CKAP2: variants seen among roughly 807,000 people sequenced by gnomAD.
CKAP2 encodes cytoskeleton associated protein 2.
CKAP2 carries 46 observed loss-of-function variants against 58.4 expected under a neutral mutation model. That is an observed-to-expected ratio of 0.79 (90% CI 0.62 to 1.01). The LOEUF is 1.01. Ranked by LOEUF, CKAP2 falls within the 50% of genes least tolerant of loss-of-function variation. CKAP2 has a pLI of 0.00. For missense variants in CKAP2, 809 were observed against 796.4 expected (o/e 1.02, Z -0.19); for synonymous variants, 293 against 280.9 (o/e 1.04, Z -0.43).
In CKAP2 at chr13:52,455,482, A is replaced by G. The variant is rs1958459393; in HGVS notation, c.-75A>G. 3.1e-5 allele frequency: 48 copies of G among 1,568,074 alleles called. No individual in the cohort carries two copies. The highest frequency in any genetic ancestry group is 4.2e-5 in the Non-Finnish European group (48 of 1,139,644). On this transcript the variant is annotated 5_prime_UTR_variant, in exon 1 of 9. Transcript: ENST00000258607. ...GTCTGACGGCTTAGCCGCGGTGCAG[A>G]CTGCGGCGGCGGTGGTCTGAGGAAG...
At chr13:52,474,774 A>G in intron 8 of CKAP2, 121 bp from the exon 9 acceptor site, 1 of 960,548 alleles carries the variant, frequency 1.0e-6, no homozygotes, top group East Asian at 2.6e-5. Flanking sequence ...TCTCTAAAAG[A>G]CAATTAAATG....
At position 52,475,134 on chromosome 13, in the gene CKAP2, C is replaced by A. The variant is rs762070558; in HGVS notation, c.2042C>A (p.Thr681Lys). ...ALCRVYYEAD[T>K]T ...TGCCGGGTGTACTATGAGGCTGATA[C>A]AACATAAGAGAAATAAAGCTCTGTT... Residue 681 changes from threonine (T) to lysine (K), a missense_variant, in exon 9 of 9, where the codon ACA (threonine) becomes AAA (lysine). Thr to Lys is a moderately conservative substitution (Grantham distance 78). Transcript: ENST00000258607. 4 of 1,613,072 alleles carry A rather than the reference C, an allele frequency of 2.5e-6. No individual in the cohort carries two copies. Among genetic ancestry groups the A allele is most frequent in the African/African-American group, 1.3e-5 (1 of 74,862 alleles).
Position 52,462,370 on chromosome 13 carries a change from C to T in CKAP2, c.1108C>T (p.Leu370=). Reference sequence around the variant, plus strand: ...ATCTGCTTCTAACTATAGAGCTCGTCTGAGTGAGTGGAAAGCTGGCAAAGG... The same window carrying T: ...ATCTGCTTCTAACTATAGAGCTCGTTTGAGTGAGTGGAAAGCTGGCAAAGG... ...KETSEERKAR[L]SEWKAGKGRV... The change falls in exon 5 of 9, where the codon CTG becomes TTG. Residue 370 remains leucine (L), a synonymous_variant. Coordinates refer to ENST00000258607, the MANE Select transcript of CKAP2 (RefSeq NM_018204.5). 1 of 1,613,882 alleles carries T rather than the reference C, an allele frequency of 6.2e-7. No homozygotes were observed. Among genetic ancestry groups the T allele is most frequent in the South Asian group, 1.1e-5 (1 of 91,008 alleles).
intron 5 of CKAP2, among the ~76,000 whole-genome samples, chr13:52,463,986 A>G (rs1370227543): frequency 6.6e-6 from 1 of 152,028 alleles, no homozygotes; most frequent in African/African-American, 2.4e-5. Flanking sequence ...CAGATTTTGG[A>G]TTTTCAGATT....
At chr13:52,464,799 T>C (rs1958640675) in intron 5 of CKAP2, among the ~76,000 whole-genome samples, 1 of 152,196 alleles carries the variant, frequency 6.6e-6, no homozygotes, top group South Asian at 2.1e-4. Flanking sequence ...TTTCAAACTT[T>C]ACTCTTCATG....
chr13:52,455,659 G>C (rs977443064), intron 1 of CKAP2, 33 bp downstream of exon 1: 6 of 530,550 alleles, frequency 1.1e-5, no homozygotes, highest in Admixed American at 4.9e-5. Flanking sequence ...CGGTGGCGGT[G>C]GCGGTGGCGG....
chr13:52,468,802 T>C (rs971627565), intron 7 of CKAP2, among the ~76,000 whole-genome samples: 4 of 152,240 alleles, frequency 2.6e-5, no homozygotes, highest in Non-Finnish European at 5.9e-5. Flanking sequence ...ATTGATTCTA[T>C]GTCTTTGCTA....
intron 5 of CKAP2, 108 bp from the exon 6 acceptor site, chr13:52,465,187 T>C (rs1285269426): frequency 2.2e-6 from 2 of 904,572 alleles, no homozygotes; most frequent in Non-Finnish European, 3.3e-6. Flanking sequence ...TTTTTTTGCT[T>C]TATGCTTAGG....
At chr13:52,465,905 G>GTATATATATACACACA (rs1958661043) in intron 6 of CKAP2, 1 of 189,084 alleles carries the variant, frequency 5.3e-6, no homozygotes, top group African/African-American at 3.4e-5. Context: ...ACTCATATAT[G>GTATATATATACACACA]TATATATATA....
At chr13:52,467,761 A>G (rs562746053) in intron 6 of CKAP2, among the ~76,000 whole-genome samples, 6 of 152,172 alleles carry the variant, frequency 3.9e-5, no homozygotes, top group Admixed American at 1.3e-4. Flanking sequence ...TTTTTACTCT[A>G]TAAATTGGAA....
chr13:52,474,935 T>C lies in CKAP2; in HGVS notation c.1843T>C (p.Phe615Leu), dbSNP rs750403883. 5.8e-5 allele frequency: 94 copies of C among 1,612,266 alleles called. No individual in the cohort carries two copies. Among genetic ancestry groups the C allele is most frequent in the Non-Finnish European group, 7.6e-5 (89 of 1,178,488 alleles). Residue 615 changes from phenylalanine to leucine, a missense_variant, in exon 9 of 9, where the codon TTT becomes CTT. Phe to Leu is a conservative substitution (Grantham distance 22). Coordinates refer to ENST00000258607, the MANE Select transcript of CKAP2 (RefSeq NM_018204.5). ...GCAGTTTGATGGAACAAATTCCGCATTTAAAGAGCTGAAGTTTTTAACACC... is the reference window on the plus strand; with the variant it reads ...GCAGTTTGATGGAACAAATTCCGCACTTAAAGAGCTGAAGTTTTTAACACC... ...KVQFDGTNSA[F>L]KELKFLTPVR...
rs1958831985 is a variant in CKAP2 at position 52,476,541 on chromosome 13, C to CT, written c.*1403dup. The CT allele has an allele frequency of 6.6e-6, 1 of 152,116 alleles. No individual in the cohort carries two copies. Among genetic ancestry groups the CT allele is most frequent in the African/African-American group, 2.4e-5 (1 of 41,416 alleles). 9.4% of individuals were successfully genotyped at this position (152,116 alleles called of 1,614,324 possible). On this transcript the variant is annotated 3_prime_UTR_variant, in exon 9 of 9. Transcript: ENST00000258607. Reference sequence around the variant, plus strand: ...CATAAACTTTACCTAATTTTTTTCACTTTAACAAAAACATAACTATGCCCT... The same window carrying CT: ...CATAAACTTTACCTAATTTTTTTCACTTTTAACAAAAACATAACTATGCCCT...
intron 5 of CKAP2, among the ~76,000 whole-genome samples, chr13:52,463,272 C>T (rs1235438831): frequency 1.3e-5 from 2 of 152,058 alleles, no homozygotes; most frequent in Non-Finnish European, 2.9e-5. Flanking sequence ...ATACACGTAG[C>T]CTAAAGATAG....
At chr13:52,468,965 A>G (rs1188201417) in intron 7 of CKAP2, among the ~76,000 whole-genome samples, 1 of 152,170 alleles carries the variant, frequency 6.6e-6, no homozygotes, top group Non-Finnish European at 1.5e-5. Context: ...GTCTTCCACA[A>G]TGGTTGAACT....
chr13:52,456,094 G>A (rs1246129779), intron 1 of CKAP2: 1 of 1,018,860 alleles, frequency 9.8e-7, no homozygotes, highest in Non-Finnish European at 1.2e-6. Context: ...CCGAGGGTTG[G>A]TTGGGTCTTC....
chr13:52,471,041 C>T (rs2137869377), intron 7 of CKAP2, among the ~76,000 whole-genome samples: 1 of 152,124 alleles, frequency 6.6e-6, no homozygotes, highest in Admixed American at 6.5e-5. Context: ...GCCTGTAATC[C>T]CAGCTACTCG....
rs1222319389 is a variant in CKAP2, at chr13:52,474,055, T to C, written c.1773T>C (p.Tyr591=). The change falls in exon 8 of 9, where the codon TAT becomes TAC. Residue 591 remains tyrosine, a synonymous_variant. Coordinates refer to ENST00000258607, the MANE Select transcript of CKAP2 (RefSeq NM_018204.5). ...CGAGGACAAGTTGCTTAATTAAATA[T>C]AATGTGTCTACTACGCCATACTTGC... ...TETRTSCLIK[Y]NVSTTPYLQS... The C allele has an allele frequency of 6.2e-7, 1 of 1,613,858 alleles. No individual in the cohort carries two copies. The highest frequency in any genetic ancestry group is 8.5e-7 in the Non-Finnish European group (1 of 1,179,838).
rs1264480362 is a variant in CKAP2, at chr13:52,476,525, T to C, written c.*1384T>C. On this transcript the variant is annotated 3_prime_UTR_variant, in exon 9 of 9. Transcript: ENST00000258607. ...GTCATCAGTCTACTTACATAAACTTTACCTAATTTTTTTCACTTTAACAAA... is the reference window on the plus strand; with the variant it reads ...GTCATCAGTCTACTTACATAAACTTCACCTAATTTTTTTCACTTTAACAAA... The C allele has an allele frequency of 6.6e-6, 1 of 152,228 alleles. No individual in the cohort carries two copies. The highest frequency in any genetic ancestry group is 6.5e-5 in the Admixed American group (1 of 15,290). The allele number at this position is 152,228 out of a possible 1,614,324, so 9.4% of individuals were successfully genotyped here.
In CKAP2 at chr13:52,461,084, T is replaced by C. The variant is rs767832969; in HGVS notation, c.258T>C (p.Pro86=). 3 of 1,604,368 alleles carry C rather than the reference T, an allele frequency of 1.9e-6. No individual in the cohort carries two copies. The African/African-American group carries it at 4.0e-5, about 22-fold the overall frequency. The stretch of plus-strand genomic sequence containing the variant: ...CTGATAAAGAAAACATGAAGAGACC[T>C]GCAGAGAGCAAAAATAATACAGTGG... The part of the protein sequence containing the change: ...KMADKENMKR[P]AESKNNTVVG... Residue 86 remains proline (P), a synonymous_variant, in exon 4 of 9, where the codon CCT becomes CCC. Transcript: ENST00000258607.
Sources: gnomAD v4.1 joint callset for allele counts (sites outside exome capture counted in the v4.1 genomes callset) on GRCh38, gnomAD v4.1.1 for gene constraint, MANE v1.5 for transcripts, NCBI Gene and HGNC (gene_info 2026-07-23, HGNC 2026-07-21) for gene names.